The following DCDC2 variants were observed in gnomAD, a reference collection of about 807,000 sequenced individuals.
The protein encoded by DCDC2 is doublecortin domain-containing protein 2.
In DCDC2, 40 loss-of-function variants were observed where a neutral mutation model predicts 50.2. The observed-to-expected ratio is 0.80, with a 90% CI of 0.62 to 1.04. DCDC2 has a LOEUF of 1.04. Ranked by LOEUF, DCDC2 falls within the 50% of genes least tolerant of loss-of-function variation. The pLI, the probability that DCDC2 is intolerant of heterozygous loss-of-function variation, is 0.00. For missense variants in DCDC2, 570 were observed against 581.9 expected (o/e 0.98, Z 0.21); for synonymous variants, 234 against 210.6 (o/e 1.11, Z -0.96).
chr6:24,358,753 A>ATATT (rs1488011285), upstream of DCDC2, among the ~76,000 whole-genome samples: 31 of 93,588 alleles, frequency 3.3e-4, 1 homozygote, highest in East Asian at 7.8e-3. Flanking sequence ...TTATTTATTT[A>ATATT]TTTATATATT....
At chr6:24,364,105 T>C in the DCDC2 span, among the ~76,000 whole-genome samples, 1 of 152,116 alleles carries the variant, frequency 6.6e-6, no homozygotes, top group Non-Finnish European at 1.5e-5. Context: ...TCCTATTTAT[T>C]TGGCTCCTTC....
At chr6:24,224,800 T>C (rs1041015247) in intron 7 of DCDC2, among the ~76,000 whole-genome samples, 4 of 152,160 alleles carry the variant, frequency 2.6e-5, no homozygotes, top group African/African-American at 9.7e-5. Context: ...CTATCATAGG[T>C]AGCACTTACC....
intron 4 of DCDC2, among the ~76,000 whole-genome samples, 193 bp from the exon 5 acceptor site, chr6:24,291,271 T>G (rs1763738499): frequency 6.6e-6 from 1 of 152,184 alleles, no homozygotes; most frequent in Non-Finnish European, 1.5e-5. Flanking sequence ...CAGATTCCAC[T>G]AAATACTAAT....
chr6:24,380,807 T>C, the DCDC2 span, among the ~76,000 whole-genome samples: 6 of 152,252 alleles, frequency 3.9e-5, no homozygotes, highest in Non-Finnish European at 7.4e-5. Context: ...CAAATAAAAA[T>C]TGTAGTCCGA....
intron 7 of DCDC2, among the ~76,000 whole-genome samples, chr6:24,256,650 T>G (rs890228168): frequency 1.3e-5 from 2 of 152,298 alleles, no homozygotes; most frequent in South Asian, 4.1e-4. Context: ...CAATTGTCCC[T>G]TTATAAAAAC....
At chr6:24,181,142 C>T (rs1379092237) in intron 8 of DCDC2, among the ~76,000 whole-genome samples, 1 of 152,100 alleles carries the variant, frequency 6.6e-6, no homozygotes, top group Non-Finnish European at 1.5e-5. Flanking sequence ...CTCAGCATGT[C>T]GTCAGGGTGG....
intron 6 of DCDC2, among the ~76,000 whole-genome samples, chr6:24,283,952 C>G (rs533276363): frequency 6.6e-6 from 1 of 152,308 alleles, no homozygotes; most frequent in East Asian, 1.9e-4. Context: ...AGCACCCTCT[C>G]TCACTTCCTC....
the DCDC2 span, among the ~76,000 whole-genome samples, chr6:24,376,773 GA>G: frequency 9.4e-5 from 7 of 74,236 alleles, no homozygotes; most frequent in East Asian, 1.7e-3. Context: ...AATAATGCTA[GA>G]AAAAAAAAGA....
the DCDC2 span, among the ~76,000 whole-genome samples, chr6:24,367,966 A>T: frequency 2.0e-5 from 3 of 152,256 alleles, no homozygotes; most frequent in South Asian, 4.1e-4. Context: ...AGGTTTTTTT[A>T]AAAAATTGTG....
intron 8 of DCDC2, among the ~76,000 whole-genome samples, chr6:24,190,073 G>GA (rs56783668): frequency 0.41 from 53,502 of 132,050 alleles, 11,433 homozygotes; most frequent in African/African-American, 0.6. Context: ...TACTTTCACC[G>GA]AAAAAAAAAA....
intron 7 of DCDC2, chr6:24,205,345 C>T (rs1761696396): frequency 6.7e-7 from 1 of 1,499,000 alleles, no homozygotes; most frequent in Admixed American, 2.1e-5. Flanking sequence ...TGTCGAAGCT[C>T]CTGTTCACCC....
chr6:24,220,879 A>AGAGAGTGAGC (rs1554146330), intron 7 of DCDC2, among the ~76,000 whole-genome samples: 30 of 106,976 alleles, frequency 2.8e-4, no homozygotes, highest in African/African-American at 1.3e-3. Flanking sequence ...CAAGAGAGCG[A>AGAGAGTGAGC]GAGCGAGAGA....
At chr6:24,297,116 G>A (rs1759268093) in intron 4 of DCDC2, among the ~76,000 whole-genome samples, 1 of 150,920 alleles carries the variant, frequency 6.6e-6, no homozygotes, top group South Asian at 2.1e-4. Context: ...TATACACCAT[G>A]GAATACTATG....
intron 7 of DCDC2, among the ~76,000 whole-genome samples, chr6:24,210,019 G>GGTGTGTGTGTGTGTGTGTGT (rs71002475): frequency 1.2e-4 from 18 of 145,276 alleles, no homozygotes; most frequent in African/African-American, 4.5e-4. Flanking sequence ...GCAGTATCAG[G>GGTGTGTGTGTGTGTGTGTGT]GTGTGTGTGT....
the DCDC2 span, among the ~76,000 whole-genome samples, chr6:24,381,460 T>A: frequency 6.6e-6 from 1 of 152,144 alleles, no homozygotes; most frequent in Non-Finnish European, 1.5e-5. Context: ...GAGACAGAGA[T>A]TGGTTTTTTA....
intron 7 of DCDC2, among the ~76,000 whole-genome samples, chr6:24,246,479 CTTTTTTTTT>C (rs4052666): frequency 5.7e-5 from 4 of 70,782 alleles, no homozygotes; most frequent in African/African-American, 2.4e-4. Flanking sequence ...TTTTCTTTTT[CTTTTTTTTT>C]TTTTTTTTTT....
At chr6:24,359,243 A>ATATATTATATATAATATATATTT (rs1170005574), upstream of DCDC2, among the ~76,000 whole-genome samples, 1 of 78,232 alleles carries the variant, frequency 1.3e-5, no homozygotes, top group African/African-American at 5.2e-5. Flanking sequence ...TATATATTTT[A>ATATATTATATATAATATATATTT]TATATTATAT....
intron 7 of DCDC2, among the ~76,000 whole-genome samples, chr6:24,229,764 C>T (rs1471338758): frequency 2.0e-5 from 3 of 152,146 alleles, no homozygotes; most frequent in African/African-American, 7.2e-5. Flanking sequence ...AATGTTTATG[C>T]TTACATTATT....
At chr6:24,373,321 A>T in the DCDC2 span, among the ~76,000 whole-genome samples, 15 of 152,252 alleles carry the variant, frequency 9.9e-5, no homozygotes, top group African/African-American at 3.4e-4. Flanking sequence ...ATAAATGGAA[A>T]AAAACAATCC....
Sources: allele counts gnomAD v4.1 joint callset (sites outside exome capture counted in the v4.1 genomes callset), GRCh38; gene constraint gnomAD v4.1.1; transcripts MANE v1.5; gene names NCBI Gene and HGNC (gene_info 2026-07-23, HGNC 2026-07-21).